Variants in SLC43A1 observed in about 807,000 individuals in gnomAD.
SLC43A1 encodes large neutral amino acids transporter small subunit 3.
SLC43A1 carries 31 observed loss-of-function variants against 59.5 expected under a neutral mutation model. That is an observed-to-expected ratio of 0.52 (90% CI 0.39 to 0.70). The LOEUF (loss-of-function observed/expected upper bound fraction) is 0.70. SLC43A1 is among the 30% of genes least tolerant of loss of function. The probability of loss-of-function intolerance (pLI) is 0.00; values close to 1 mark genes in which losing one functional copy is unlikely to be tolerated. For synonymous variants in SLC43A1, 259 were observed against 290.9 expected (o/e 0.89, Z 1.12); for missense variants, 598 against 717.8 (o/e 0.83, Z 1.91).
chr11:57,491,285 C>G lies in SLC43A1; in HGVS notation c.1132G>C (p.Asp378His). 6.2e-7 allele frequency: 1 copy of G among 1,611,784 alleles called. No homozygotes were observed. The highest frequency in any genetic ancestry group is 1.3e-5 in the African/African-American group (1 of 74,968). Residue 378 changes from aspartate (D) to histidine (H), a missense_variant, in exon 11 of 15, where the codon GAC becomes CAC. Asp to His is a moderately conservative substitution (Grantham distance 81, BLOSUM62 -1). Transcript: ENST00000278426. The part of the protein sequence containing the change: ...LTCPLIGYIM[D>H]WRIKDCVDAP... ...TCCACGCAGTCCTTGATCCGCCAGT[C>G]CATGATGTAGCCAATGAGGGGGCAG... is the stretch of plus-strand genomic sequence containing the variant.
intron 6 of SLC43A1, 124 bp from the exon 7 acceptor site, chr11:57,496,288 C>G: frequency 8.9e-7 from 1 of 1,120,850 alleles, no homozygotes; most frequent in Non-Finnish European, 1.2e-6. Context: ...GCCCAATTTG[C>G]AGATGAGGAA....
chr11:57,503,931 A>C (rs556674342), intron 2 of SLC43A1, among the ~76,000 whole-genome samples: 79 of 152,244 alleles, frequency 5.2e-4, no homozygotes, highest in East Asian at 4.1e-3. Context: ...CGGTGGCTCA[A>C]GCCTGTAATC....
Position 57,514,290 on chromosome 11 carries a change from G to C in SLC43A1, c.-13-166C>G, listed in dbSNP as rs1944626229. 1 of 754,322 alleles carries C rather than the reference G, an allele frequency of 1.3e-6. No individual in the cohort carries two copies. The highest frequency in any genetic ancestry group is 3.9e-4 in the Middle Eastern group (1 of 2,548). 46.7% of individuals were successfully genotyped at this position (754,322 alleles called of 1,614,324 possible). A position where few individuals can be genotyped will look rare whatever the true frequency, so the allele number is the denominator to read the frequency against. On this transcript the variant is annotated intron_variant, in intron 1 of 14. Coordinates refer to ENST00000278426, the MANE Select transcript of SLC43A1 (RefSeq NM_003627.6). This position sits in a 1 kb window ranked among gnomAD's most constrained non-coding sequence, Gnocchi z 5.5. ...GCCGGTGCCAAGGAGCTGGCTCCGCGCGCACTAGCAGTGCCAGAGGTGCAC... is the reference window on the plus strand; with the variant it reads ...GCCGGTGCCAAGGAGCTGGCTCCGCCCGCACTAGCAGTGCCAGAGGTGCAC...
intron 2 of SLC43A1, among the ~76,000 whole-genome samples, chr11:57,512,788 T>C (rs933516276): frequency 1.7e-4 from 26 of 151,862 alleles, no homozygotes; most frequent in African/African-American, 6.0e-4. Context: ...CACCCCATAA[T>C]TGGGGCCAGG....
chr11:57,492,312 G>A (rs1289993109), intron 8 of SLC43A1, among the ~76,000 whole-genome samples: 2 of 139,500 alleles, frequency 1.4e-5, no homozygotes, highest in African/African-American at 2.6e-5. Context: ...AATAAGCCAG[G>A]CATGGTGGTG....
intron 14 of SLC43A1, among the ~76,000 whole-genome samples, 181 bp from the exon 15 acceptor site, chr11:57,485,423 G>C (rs2135136410): frequency 6.6e-6 from 1 of 152,368 alleles, no homozygotes. Flanking sequence ...ATTCTGCAAA[G>C]TGGCTGAGAT....
intron 2 of SLC43A1, among the ~76,000 whole-genome samples, chr11:57,512,611 C>T (rs1474787216): frequency 6.6e-6 from 1 of 151,574 alleles, no homozygotes. Context: ...TCTCTCCTAT[C>T]TCCAGGATAA....
chr11:57,512,187 A>G (rs1302001009), intron 2 of SLC43A1, among the ~76,000 whole-genome samples: 1 of 152,166 alleles, frequency 6.6e-6, no homozygotes, highest in Non-Finnish European at 1.5e-5. Flanking sequence ...TGTGGTGGGT[A>G]CTGAGGCATA....
intron 2 of SLC43A1, among the ~76,000 whole-genome samples, chr11:57,503,070 T>C (rs1944307146): frequency 6.6e-6 from 1 of 151,962 alleles, no homozygotes; most frequent in Non-Finnish European, 1.5e-5. Context: ...AATCTGTGTG[T>C]TGACATAAGG....
At chr11:57,498,937 T>C (rs1396331558) in intron 5 of SLC43A1, among the ~76,000 whole-genome samples, 1 of 151,902 alleles carries the variant, frequency 6.6e-6, no homozygotes, top group Non-Finnish European at 1.5e-5. Context: ...ATCCCACAGC[T>C]GAGAAGGACC....
intron 2 of SLC43A1, among the ~76,000 whole-genome samples, chr11:57,511,601 A>T (rs981476879): frequency 6.6e-6 from 1 of 152,156 alleles, no homozygotes; most frequent in African/African-American, 2.4e-5. Context: ...CACCACACCC[A>T]GCCAGACCAT....
At position 57,515,172 on chromosome 11, in the gene SLC43A1, G is replaced by T; in HGVS notation, c.-14+272C>A. On this transcript the variant is annotated intron_variant, in intron 1 of 14. Coordinates refer to ENST00000278426, the MANE Select transcript of SLC43A1 (RefSeq NM_003627.6). The surrounding 1 kb of genome is among the most constrained non-coding windows in gnomAD (Gnocchi z 5.3). ...GCTTTGGGTTCAAGCGCTCCAGGAGGTCCGCTGGAACTCTGGCAAACGCGC... is the reference window on the plus strand; with the variant it reads ...GCTTTGGGTTCAAGCGCTCCAGGAGTTCCGCTGGAACTCTGGCAAACGCGC... 1 of 612,964 alleles carries T rather than the reference G, an allele frequency of 1.6e-6. No homozygotes were observed. The highest frequency in any genetic ancestry group is 2.0e-6 in the Non-Finnish European group (1 of 489,288). The allele number at this position is 612,964 out of a possible 1,614,324, so 38.0% of individuals were successfully genotyped here.
chr11:57,491,403 C>G, intron 10 of SLC43A1, 41 bp from the exon 11 acceptor site: 2 of 1,566,696 alleles, frequency 1.3e-6, no homozygotes, highest in Non-Finnish European at 8.7e-7. Flanking sequence ...GGAACTGGCA[C>G]TCAGTGGACA....
At chr11:57,498,147 A>AT (rs1944143229) in intron 5 of SLC43A1, among the ~76,000 whole-genome samples, 1 of 152,186 alleles carries the variant, frequency 6.6e-6, no homozygotes, top group Admixed American at 6.5e-5. Flanking sequence ...GTGCTTAAGA[A>AT]ACACTGATCT....
chr11:57,502,632 A>G (rs1944294845), intron 2 of SLC43A1, among the ~76,000 whole-genome samples: 1 of 152,194 alleles, frequency 6.6e-6, no homozygotes, highest in Non-Finnish European at 1.5e-5. Context: ...GGACTTTGGG[A>G]GGCCAAGGTG....
chr11:57,486,702 G>A (rs537145670), intron 14 of SLC43A1, among the ~76,000 whole-genome samples: 1 of 151,086 alleles, frequency 6.6e-6, no homozygotes, highest in East Asian at 1.9e-4. Flanking sequence ...CCAGCTACTT[G>A]AGAGGCTGAG....
At chr11:57,503,297 G>GTTTTTTTT (rs11402480) in intron 2 of SLC43A1, among the ~76,000 whole-genome samples, 1 of 115,866 alleles carries the variant, frequency 8.6e-6, no homozygotes. Flanking sequence ...TTCTCTACAG[G>GTTTTTTTT]TTTTTTTTTT....
In SLC43A1 at chr11:57,510,333, C is replaced by T. The variant is rs138984889; in HGVS notation, c.154+3625G>A. On this transcript the variant is annotated intron_variant, in intron 2 of 14. Transcript: ENST00000278426. Reference sequence around the variant, plus strand: ...ATTAGCCGGGCGTGGTGGTGGACGCCTGTAATCCCATCTACTCAGGAGGCT... The same window carrying T: ...ATTAGCCGGGCGTGGTGGTGGACGCTTGTAATCCCATCTACTCAGGAGGCT... 5.8e-3 allele frequency among the ~76,000 whole-genome samples: 888 copies of T among 151,838 alleles called. 9 individuals carry two copies. Among genetic ancestry groups the T allele is most frequent in the African/African-American group, 0.02 (848 of 41,374 alleles).
chr11:57,488,967 G>A lies in SLC43A1; in HGVS notation c.1358C>T (p.Thr453Ile), dbSNP rs1486072400. 4 of 1,614,204 alleles carry A rather than the reference G, an allele frequency of 2.5e-6. No individual in the cohort carries two copies. The East Asian group carries it at 8.9e-5, about 36-fold the overall frequency. The change falls in exon 13 of 15, where the codon ACC (threonine) becomes ATC (isoleucine). Residue 453 changes from threonine to isoleucine, a missense_variant. By Grantham distance (89) the Thr-to-Ile change is moderately conservative. Coordinates refer to ENST00000278426, the MANE Select transcript of SLC43A1 (RefSeq NM_003627.6). ...TGAGTGGAAGAAACCTCGAACAATG[G>A]TGTGCAGGACAAAGGTCACAAACTA... ...HLQFVTFVLH[T>I]IVRGFFHSAC...
Sources: gnomAD v4.1 joint callset for allele counts (sites outside exome capture counted in the v4.1 genomes callset) on GRCh38, gnomAD v4.1.1 for gene constraint, Gnocchi (gnomAD v3.1) non-coding constraint, MANE v1.5 for transcripts, NCBI Gene and HGNC (gene_info 2026-07-23, HGNC 2026-07-21) for gene names.